The following VAV3 variants were observed in gnomAD, a reference collection of about 807,000 sequenced individuals.
VAV3 encodes the protein guanine nucleotide exchange factor VAV3.
A neutral mutation model predicts 131.2 loss-of-function variants in VAV3; 94 were observed. That is an observed-to-expected ratio of 0.72 (90% CI 0.61 to 0.85). VAV3 has a LOEUF of 0.85. Ranked by LOEUF, VAV3 falls within the 40% of genes least tolerant of loss-of-function variation. The probability of loss-of-function intolerance (pLI) is 0.00; values close to 1 mark genes in which losing one functional copy is unlikely to be tolerated. For synonymous variants in VAV3, 349 were observed against 342.0 expected, an observed-to-expected ratio of 1.02 and a Z score of -0.22; for missense variants, 939 against 1,002.7, an observed-to-expected ratio of 0.94 and a Z score of 0.86.
At chr1:107,819,497 ACT>A (rs1208648367) in intron 2 of VAV3, among the ~76,000 whole-genome samples, 5 of 147,326 alleles carry the variant, frequency 3.4e-5, no homozygotes, top group South Asian at 2.2e-4. Context: ...ACATAACAAG[ACT>A]CTGTCTCAAA....
intron 20 of VAV3, among the ~76,000 whole-genome samples, chr1:107,630,281 A>G (rs1044510553): frequency 1.3e-5 from 2 of 152,112 alleles, no homozygotes; most frequent in African/African-American, 2.4e-5. Context: ...AGTCAGTTAC[A>G]TAGTAGGCAC....
intron 25 of VAV3, among the ~76,000 whole-genome samples, chr1:107,576,165 A>G (rs1232767590): frequency 6.6e-6 from 1 of 152,042 alleles, no homozygotes; most frequent in African/African-American, 2.4e-5. Flanking sequence ...CAACAGATAA[A>G]TTATAGAATG....
chr1:107,752,693 A>G (rs11583434), intron 12 of VAV3, among the ~76,000 whole-genome samples: 37,061 of 152,048 alleles, frequency 0.24, 4,894 homozygotes, highest in Non-Finnish European at 0.27. Context: ...CAAACACACA[A>G]AGACAATATT....
chr1:107,673,082 A>T (rs543331641), intron 19 of VAV3, among the ~76,000 whole-genome samples: 3 of 152,346 alleles, frequency 2.0e-5, no homozygotes, highest in Admixed American at 2.0e-4. Context: ...ATGTTCATGC[A>T]CAGATGTTCC....
intron 19 of VAV3, among the ~76,000 whole-genome samples, chr1:107,680,553 T>C (rs1300831579): frequency 2.6e-5 from 4 of 152,258 alleles, no homozygotes; most frequent in Admixed American, 1.3e-4. Flanking sequence ...CTTTACTTGC[T>C]CTTTTGTTTC....
intron 1 of VAV3, among the ~76,000 whole-genome samples, chr1:107,931,773 C>CA (rs1673449511): frequency 1.3e-5 from 2 of 152,308 alleles, no homozygotes; most frequent in South Asian, 4.1e-4. Context: ...AGAGTAACAA[C>CA]AACTAGCATT....
intron 20 of VAV3, among the ~76,000 whole-genome samples, chr1:107,622,612 A>G (rs1219908698): frequency 1.3e-5 from 2 of 152,202 alleles, no homozygotes; most frequent in East Asian, 1.9e-4. Context: ...AGCTGAATGT[A>G]AAAGGGACAG....
At chr1:107,915,209 C>T (rs1056690962) in intron 1 of VAV3, among the ~76,000 whole-genome samples, 15 of 152,076 alleles carry the variant, frequency 9.9e-5, no homozygotes, top group African/African-American at 3.6e-4. Flanking sequence ...AAAATTATCA[C>T]CATGAAAAAT....
intron 19 of VAV3, among the ~76,000 whole-genome samples, chr1:107,648,650 A>G (rs1367808693): frequency 6.6e-6 from 1 of 152,018 alleles, no homozygotes; most frequent in Non-Finnish European, 1.5e-5. Context: ...CAATTACACA[A>G]TTTTACAGAG....
intron 25 of VAV3, among the ~76,000 whole-genome samples, chr1:107,591,051 T>G (rs1432465354): frequency 6.6e-6 from 1 of 152,182 alleles, no homozygotes; most frequent in Non-Finnish European, 1.5e-5. Context: ...TTTCAGTTCC[T>G]TAAAAATATG....
intron 1 of VAV3, among the ~76,000 whole-genome samples, chr1:107,930,477 A>T (rs1465044834): frequency 6.6e-6 from 1 of 152,200 alleles, no homozygotes; most frequent in Non-Finnish European, 1.5e-5. Context: ...ACTAGAAATG[A>T]CATACTCTGA....
At chr1:107,598,869 G>C (rs773471843) in intron 24 of VAV3, among the ~76,000 whole-genome samples, 31 of 151,552 alleles carry the variant, frequency 2.0e-4, no homozygotes, top group Non-Finnish European at 5.9e-5. Context: ...GTTTCTCCTA[G>C]TCTTATTACT....
At chr1:107,867,532 C>T (rs1008104239) in intron 2 of VAV3, among the ~76,000 whole-genome samples, 1 of 152,188 alleles carries the variant, frequency 6.6e-6, no homozygotes, top group Non-Finnish European at 1.5e-5. Flanking sequence ...CAGACACATA[C>T]ATTAGGGAAG....
Position 107,624,036 on chromosome 1 carries a change from G to A in VAV3, c.1915-6404C>T, listed in dbSNP as rs1334236105. On this transcript the variant is annotated intron_variant, in intron 20 of 26. Transcript: ENST00000370056. ...ATACATGACAAAGGCTTCAATTATA[G>A]TTGATGGTTTTTCCAATTCACACAA... Among the ~76,000 whole-genome samples, 6 of 152,260 alleles carry A rather than the reference G, an allele frequency of 3.9e-5. No homozygotes were observed. In the East Asian group the frequency reaches 1.2e-3, roughly 29 times the overall value.
intron 19 of VAV3, among the ~76,000 whole-genome samples, chr1:107,673,996 T>C (rs764736606): frequency 6.6e-6 from 1 of 152,228 alleles, no homozygotes; most frequent in Non-Finnish European, 1.5e-5. Context: ...TGCTGCCTCA[T>C]TTTTAAATAA....
At chr1:107,891,659 T>G (rs567818330) in intron 1 of VAV3, among the ~76,000 whole-genome samples, 55 of 151,922 alleles carry the variant, frequency 3.6e-4, no homozygotes, top group African/African-American at 1.3e-3. Flanking sequence ...GCCAACATGG[T>G]GAAACCCCGT....
chr1:107,636,323 T>A (rs969412489), intron 20 of VAV3, among the ~76,000 whole-genome samples: 1 of 152,220 alleles, frequency 6.6e-6, no homozygotes, highest in African/African-American at 2.4e-5. Flanking sequence ...ATTCTAAATA[T>A]GTCTGGGCAA....
At chr1:107,852,647 A>G (rs1223693127) in intron 2 of VAV3, among the ~76,000 whole-genome samples, 1 of 152,166 alleles carries the variant, frequency 6.6e-6, no homozygotes, top group Non-Finnish European at 1.5e-5. Flanking sequence ...ACTTTCTTCT[A>G]TTGAATGGTT....
intron 1 of VAV3, among the ~76,000 whole-genome samples, chr1:107,958,309 G>A (rs1571194080): frequency 6.6e-6 from 1 of 152,180 alleles, no homozygotes; most frequent in Non-Finnish European, 1.5e-5. Context: ...TATGGGAGGA[G>A]GGAGTGTGTA....
Sources: gnomAD v4.1 joint callset for allele counts (sites outside exome capture counted in the v4.1 genomes callset) on GRCh38, gnomAD v4.1.1 for gene constraint, MANE v1.5 for transcripts, NCBI Gene and HGNC (gene_info 2026-07-23, HGNC 2026-07-21) for gene names.